Variants in TBL1X observed in about 807,000 individuals in gnomAD.
TBL1X encodes F-box-like/WD repeat-containing protein TBL1X.
Under a neutral mutation model 50.7 loss-of-function variants are expected in TBL1X, and 10 were observed. That is an observed-to-expected ratio of 0.20 (90% confidence interval 0.12 to 0.33). The LOEUF is 0.33. Among genes scored for constraint, TBL1X ranks in the 10% least tolerant of loss-of-function variants. TBL1X has a pLI of 1.00. For synonymous variants in TBL1X, 190 were observed against 214.7 expected (o/e 0.88, Z 1.01); for missense variants, 340 against 504.4 (o/e 0.67, Z 3.12).
chrX:9,593,386 G>C (rs73631499), intron 2 of TBL1X, among the ~76,000 whole-genome samples: 2,325 of 108,635 alleles, frequency 0.021, 16 homozygotes, highest in Middle Eastern at 0.058. Context: ...TGTGCAACAA[G>C]AGCGAGACTC....
intron 3 of TBL1X, among the ~76,000 whole-genome samples, chrX:9,650,805 T>G (rs926401014): frequency 1.7e-4 from 19 of 111,832 alleles, no homozygotes; most frequent in Non-Finnish European, 2.1e-4. Context: ...GAAAATGTAA[T>G]TGCTCAACTT....
intron 2 of TBL1X, among the ~76,000 whole-genome samples, chrX:9,590,892 G>C (rs2082496311): frequency 9.2e-6 from 1 of 108,342 alleles, no homozygotes; most frequent in Admixed American, 9.9e-5. Context: ...GTATGAGTTG[G>C]CATGTCCCAC....
chrX:9,590,173 A>C (rs1050296120), intron 2 of TBL1X, among the ~76,000 whole-genome samples: 1 of 111,549 alleles, frequency 9.0e-6, no homozygotes, highest in Non-Finnish European at 1.9e-5. Context: ...CGGAAGGAGA[A>C]ACCGGTGAAA....
chrX:9,692,599 G>T (rs930054670), intron 9 of TBL1X, among the ~76,000 whole-genome samples: 1 of 112,208 alleles, frequency 8.9e-6, no homozygotes, highest in African/African-American at 3.2e-5. Context: ...GTAGAGATGG[G>T]GTTTCACCAT....
chrX:9,686,329 C>T (rs2083059361), intron 6 of TBL1X, among the ~76,000 whole-genome samples: 1 of 111,995 alleles, frequency 8.9e-6, no homozygotes, highest in African/African-American at 3.2e-5. Context: ...AGTTGCCTTC[C>T]CTCGGCACTC....
chrX:9,470,966 C>T (rs1184261828), intron 1 of TBL1X, among the ~76,000 whole-genome samples: 1 of 112,187 alleles, frequency 8.9e-6, no homozygotes, highest in Non-Finnish European at 1.9e-5. Context: ...TTACCCTCAC[C>T]TTTATTGCAC....
intron 3 of TBL1X, among the ~76,000 whole-genome samples, chrX:9,643,315 G>A (rs1014885615): frequency 9.0e-6 from 1 of 111,401 alleles, no homozygotes; most frequent in South Asian, 3.8e-4. Flanking sequence ...AATGTCAAAC[G>A]TGAGGAGATT....
At chrX:9,608,399 A>T (rs2082594877) in intron 2 of TBL1X, among the ~76,000 whole-genome samples, 1 of 111,820 alleles carries the variant, frequency 8.9e-6, no homozygotes, top group Non-Finnish European at 1.9e-5. Context: ...TTTCGGTTTT[A>T]TGTTAAAATA....
At chrX:9,567,284 A>G (rs1339818005) in intron 2 of TBL1X, among the ~76,000 whole-genome samples, 7 of 111,234 alleles carry the variant, frequency 6.3e-5, no homozygotes, top group Non-Finnish European at 1.1e-4. Flanking sequence ...AGGCTGGTGC[A>G]TTGGCGTGTC....
intron 2 of TBL1X, among the ~76,000 whole-genome samples, chrX:9,574,484 AG>A (rs1345118850): frequency 2.9e-5 from 3 of 103,294 alleles, no homozygotes; most frequent in African/African-American, 1.1e-4. Flanking sequence ...AAAAAAAAAA[AG>A]TACTTGTTGC....
intron 2 of TBL1X, among the ~76,000 whole-genome samples, chrX:9,531,391 G>T (rs2082160412): frequency 9.3e-6 from 1 of 107,162 alleles, no homozygotes; most frequent in South Asian, 4.1e-4. Context: ...GTGTGTGTGT[G>T]TGTGTGTGTG....
chrX:9,480,764 C>G (rs931983874), intron 1 of TBL1X, among the ~76,000 whole-genome samples: 7 of 68,523 alleles, frequency 1.0e-4, no homozygotes, highest in Non-Finnish European at 1.6e-4. Flanking sequence ...GCCACCCCCC[C>G]CCCCGCCCTT....
rs775681161 is a variant in TBL1X, at chrX:9,653,697, G to A, written c.103+8G>A. On this transcript the variant is annotated splice_region_variant and intron_variant, in intron 4 of 17. Transcript: ENST00000645353. ...AACGTTTGCGAGGGAGAGGTACTGC[G>A]GTTCCTCATGTGGCCAGGACCGTGT... 8.6e-6 allele frequency: 10 copies of A among 1,162,250 alleles called. No individual in the cohort carries two copies. The highest frequency in any genetic ancestry group is 3.8e-5 in the South Asian group (2 of 52,515).
chrX:9,695,669 TG>T (rs2146641882), intron 11 of TBL1X, among the ~76,000 whole-genome samples: 1 of 112,096 alleles, frequency 8.9e-6, no homozygotes, highest in South Asian at 3.7e-4. Context: ...GAGGACGAAC[TG>T]GAGGCCTGGA....
chrX:9,612,153 C>T (rs1228139634), intron 2 of TBL1X, among the ~76,000 whole-genome samples: 1 of 112,253 alleles, frequency 8.9e-6, no homozygotes, highest in African/African-American at 3.2e-5. Flanking sequence ...TAGTCTTCAG[C>T]GAGAACAACT....
intron 2 of TBL1X, among the ~76,000 whole-genome samples, chrX:9,537,879 TTGGG>T (rs2082196708): frequency 8.9e-6 from 1 of 112,008 alleles, no homozygotes; most frequent in Non-Finnish European, 1.9e-5. Context: ...AGGACCTAGT[TTGGG>T]TGGGAAGACA....
At chrX:9,463,940 C>T (rs1346548998), upstream of TBL1X, among the ~76,000 whole-genome samples, 3 of 111,532 alleles carry the variant, frequency 2.7e-5, no homozygotes, top group African/African-American at 9.8e-5. Flanking sequence ...CTTAGGTCCC[C>T]CTCCCCCTAC....
intron 2 of TBL1X, among the ~76,000 whole-genome samples, chrX:9,594,421 A>AT (rs1036570058): frequency 1.8e-5 from 2 of 112,229 alleles, no homozygotes; most frequent in African/African-American, 6.5e-5. Flanking sequence ...ATAACTTGAT[A>AT]GGATTGGTAT....
intron 2 of TBL1X, among the ~76,000 whole-genome samples, chrX:9,539,366 G>A (rs186789985): frequency 1.1e-3 from 124 of 111,283 alleles, no homozygotes; most frequent in Non-Finnish European, 1.8e-3. Flanking sequence ...GAATGAAGTT[G>A]ACCGTATGTA....
Sources: allele counts gnomAD v4.1 joint callset (sites outside exome capture counted in the v4.1 genomes callset), GRCh38; gene constraint gnomAD v4.1.1; transcripts MANE v1.5; gene names NCBI Gene and HGNC (gene_info 2026-07-23, HGNC 2026-07-21).